The following ABTB2 variants were observed in gnomAD, a reference collection of about 807,000 sequenced individuals.
ABTB2 encodes the protein ankyrin repeat and BTB domain containing 2.
Under a neutral mutation model 104.1 loss-of-function variants are expected in ABTB2, and 56 were observed. That is an observed-to-expected ratio of 0.54 (90% CI 0.43 to 0.67). The LOEUF (loss-of-function observed/expected upper bound fraction) is 0.67, where lower values mean the gene tolerates loss of function less well. Among genes scored for constraint, ABTB2 ranks in the 30% least tolerant of loss-of-function variants. The pLI is 0.00. For synonymous variants in ABTB2, 606 were observed against 608.2 expected (o/e 1.00, Z 0.05); for missense variants, 1,279 against 1,407.7 (o/e 0.91, Z 1.46).
At chr11:34,335,169 A>G in intron 1 of ABTB2, 1 of 1,274,738 alleles carries the variant, frequency 7.8e-7, no homozygotes, top group Non-Finnish European at 1.1e-6. Flanking sequence ...ATTAGTGAAG[A>G]TGCTTCCTAC....
Position 34,154,478 on chromosome 11 carries a change from TC to T in ABTB2, c.2767-101del. 1 of 939,286 alleles carries T rather than the reference TC, an allele frequency of 1.1e-6. No individual in the cohort carries two copies. Among genetic ancestry groups the T allele is most frequent in the Non-Finnish European group, 1.6e-6 (1 of 606,426 alleles). 58.2% of individuals were successfully genotyped at this position (939,286 alleles called of 1,614,324 possible). On this transcript the variant is annotated intron_variant, in intron 15 of 16. Coordinates refer to ENST00000435224, the MANE Select transcript of ABTB2 (RefSeq NM_145804.3). This position sits in a 1 kb window ranked among gnomAD's most constrained non-coding sequence, Gnocchi z 4.9. ...CCCGAGTGCCGTGTGCCCTGCTGCC[TC>T]CACCCTCAGGCCCCACTACCTTCTG...
chr11:34,276,476 G>A (rs368157624), intron 1 of ABTB2, among the ~76,000 whole-genome samples: 1 of 152,246 alleles, frequency 6.6e-6, no homozygotes, highest in African/African-American at 2.4e-5. Flanking sequence ...TATATACCAT[G>A]TGGAAAAAAT....
chr11:34,239,007 C>A (rs772012418), intron 1 of ABTB2, among the ~76,000 whole-genome samples: 5 of 152,220 alleles, frequency 3.3e-5, no homozygotes, highest in African/African-American at 1.2e-4. Context: ...CCTGCTTCGG[C>A]CTCCCAGAGT....
At chr11:34,244,608 G>T (rs565281585) in intron 1 of ABTB2, among the ~76,000 whole-genome samples, 154 of 152,286 alleles carry the variant, frequency 1.0e-3, no homozygotes, top group Non-Finnish European at 1.7e-3. Context: ...GCTTAGAGTT[G>T]TTGGCCTGGA....
intron 14 of ABTB2, among the ~76,000 whole-genome samples, chr11:34,158,150 C>A (rs1242001238): frequency 6.6e-6 from 1 of 152,236 alleles, no homozygotes; most frequent in African/African-American, 2.4e-5. Flanking sequence ...CGCAGTGGCT[C>A]ACGCCTGTAA....
At chr11:34,347,220 G>A (rs34173762) in intron 1 of ABTB2, among the ~76,000 whole-genome samples, 17 of 152,194 alleles carry the variant, frequency 1.1e-4, no homozygotes, top group Admixed American at 1.1e-3. Flanking sequence ...CAGATCGCTT[G>A]AGGTCAGGAG....
Position 34,278,471 on chromosome 11 carries a change from C to T in ABTB2, c.884-73781G>A, listed in dbSNP as rs945109179. Reference sequence around the variant, plus strand: ...GGCCATGGAACCTTTTCCTGTGCTACATTTTCATAGTATTCTGAGAACCAC... The same window carrying T: ...GGCCATGGAACCTTTTCCTGTGCTATATTTTCATAGTATTCTGAGAACCAC... On this transcript the variant is annotated intron_variant, in intron 1 of 16. Transcript: ENST00000435224. Among the ~76,000 whole-genome samples the T allele has an allele frequency of 3.9e-5, 6 of 152,162 alleles. No homozygotes were observed. The South Asian group carries it at 1.0e-3, about 26-fold the overall frequency.
At position 34,290,310 on chromosome 11, in the gene ABTB2, C is replaced by T. The variant is rs558521620; in HGVS notation, c.883+66391G>A. Among the ~76,000 whole-genome samples, 435 of 152,270 alleles carry T rather than the reference C, an allele frequency of 2.9e-3. 1 individual carries two copies. Among genetic ancestry groups the T allele is most frequent in the African/African-American group, 9.6e-3 (399 of 41,554 alleles). ...CTGGACTTAAGGTTTACATTGTGGC[C>T]ACGGAGCAGAGAAGGCCAAAAGTTT... On this transcript the variant is annotated intron_variant, in intron 1 of 16. Transcript: ENST00000435224.
At chr11:34,182,508 GGA>G (rs1853043087) in intron 3 of ABTB2, among the ~76,000 whole-genome samples, 3 of 137,208 alleles carry the variant, frequency 2.2e-5, no homozygotes, top group Non-Finnish European at 3.2e-5. Context: ...GGGGGGGGGG[GGA>G]AATTCACTTT....
chr11:34,181,531 C>T (rs1163844240), intron 3 of ABTB2, among the ~76,000 whole-genome samples: 2 of 152,172 alleles, frequency 1.3e-5, no homozygotes, highest in Non-Finnish European at 2.9e-5. Flanking sequence ...ATGAGGCCAG[C>T]CGGTTTGTGC....
chr11:34,319,729 C>T (rs576235844), intron 1 of ABTB2, among the ~76,000 whole-genome samples: 2 of 152,230 alleles, frequency 1.3e-5, no homozygotes, highest in South Asian at 2.1e-4. Context: ...AGTTCAGTGG[C>T]GTGATCTCTG....
chr11:34,218,967 T>C (rs542576823), intron 1 of ABTB2, among the ~76,000 whole-genome samples: 1 of 152,098 alleles, frequency 6.6e-6, no homozygotes, highest in East Asian at 1.9e-4. Context: ...TCCATTGATC[T>C]ATTTGTCTAG....
At chr11:34,155,743 G>A (rs1852616621) in intron 14 of ABTB2, among the ~76,000 whole-genome samples, 1 of 152,196 alleles carries the variant, frequency 6.6e-6, no homozygotes, top group African/African-American at 2.4e-5. Flanking sequence ...GGCCCACCCT[G>A]GAGATGTCAG....
intron 1 of ABTB2, among the ~76,000 whole-genome samples, chr11:34,221,709 GCAGTCTGTGGAGTCC>G (rs1853625746): frequency 1.3e-5 from 2 of 152,200 alleles, no homozygotes; most frequent in African/African-American, 4.8e-5. Flanking sequence ...CTGCTGCTAG[GCAGTCTGTGGAGTCC>G]CACTCACTCA....
rs146861976 is a variant in ABTB2, at chr11:34,262,380, C to T, written c.884-57690G>A. On this transcript the variant is annotated intron_variant, in intron 1 of 16. Coordinates refer to ENST00000435224, the MANE Select transcript of ABTB2 (RefSeq NM_145804.3). ...CCTAAGGCTCAGATGTAAAGGAACC[C>T]GCTTGAGGTCATGCTGCTACATCAG... Among the ~76,000 whole-genome samples, 60 of 152,292 alleles carry T rather than the reference C, an allele frequency of 3.9e-4. No homozygotes were observed. The East Asian group carries it at 7.9e-3, about 20-fold the overall frequency.
intron 1 of ABTB2, among the ~76,000 whole-genome samples, chr11:34,276,585 T>C (rs1334755306): frequency 6.6e-6 from 1 of 152,228 alleles, no homozygotes; most frequent in East Asian, 1.9e-4. Flanking sequence ...GGCATGCACA[T>C]CTGGATTACA....
chr11:34,343,033 G>A (rs1044680572), intron 1 of ABTB2, among the ~76,000 whole-genome samples: 4 of 151,850 alleles, frequency 2.6e-5, no homozygotes, highest in Admixed American at 6.6e-5. Context: ...GCAGTGGTGC[G>A]ATCTTGGCTC....
chr11:34,273,111 T>A (rs763672580), intron 1 of ABTB2, among the ~76,000 whole-genome samples: 13 of 152,322 alleles, frequency 8.5e-5, no homozygotes, highest in Middle Eastern at 3.4e-3. Context: ...AAAATTTTTT[T>A]AAATTTTTTG....
chr11:34,186,003 G>A (rs1023191982), intron 3 of ABTB2, among the ~76,000 whole-genome samples: 6 of 152,224 alleles, frequency 3.9e-5, no homozygotes, highest in African/African-American at 1.4e-4. Context: ...CACCCTGGGG[G>A]TCTTTCAGGA....
Sources: gnomAD v4.1 joint callset for allele counts (sites outside exome capture counted in the v4.1 genomes callset) on GRCh38, gnomAD v4.1.1 for gene constraint, Gnocchi (gnomAD v3.1) non-coding constraint, MANE v1.5 for transcripts, NCBI Gene and HGNC (gene_info 2026-07-23, HGNC 2026-07-21) for gene names.